The following THSD4 variants were observed in gnomAD, a reference collection of about 807,000 sequenced individuals.
THSD4 encodes thrombospondin type-1 domain-containing protein 4.
In THSD4, 69 loss-of-function variants were observed where a neutral mutation model predicts 119.0. The observed-to-expected ratio is 0.58, with a 90% confidence interval of 0.48 to 0.71. The LOEUF is 0.71. Ranked by LOEUF, THSD4 falls within the 30% of genes least tolerant of loss-of-function variation. The pLI, the probability that THSD4 is intolerant of heterozygous loss-of-function variation, is 0.00. For missense variants in THSD4, 1,393 were observed against 1,391.1 expected (o/e 1.00, Z -0.02); for synonymous variants, 524 against 540.4 (o/e 0.97, Z 0.42).
At chr15:71,411,653 C>T in intron 6 of THSD4, 34 bp from the exon 7 acceptor site, 1 of 1,581,638 alleles carries the variant, frequency 6.3e-7, no homozygotes, top group Non-Finnish European at 8.6e-7. Context: ...TATACCTTAT[C>T]TTTATTTTAT....
chr15:71,258,442 G>C (rs995344402), intron 6 of THSD4, among the ~76,000 whole-genome samples: 3 of 152,074 alleles, frequency 2.0e-5, no homozygotes, highest in African/African-American at 7.2e-5. Flanking sequence ...GCCTCCCAAA[G>C]TACTGGGATT....
intron 8 of THSD4, among the ~76,000 whole-genome samples, chr15:71,722,725 G>A (rs569767910): frequency 2.0e-5 from 3 of 152,304 alleles, no homozygotes; most frequent in South Asian, 2.1e-4. Flanking sequence ...GTAAAGGGCA[G>A]TAAAGAGATA....
intron 7 of THSD4, among the ~76,000 whole-genome samples, chr15:71,442,660 GTATATATATA>G (rs71154772): frequency 0.013 from 338 of 25,828 alleles, 55 homozygotes; most frequent in Non-Finnish European, 0.023. Flanking sequence ...GTGTGTGTGT[GTATATATATA>G]TATATATATA....
chr15:71,467,267 C>T (rs1440684780), intron 7 of THSD4, among the ~76,000 whole-genome samples: 1 of 152,280 alleles, frequency 6.6e-6, no homozygotes, highest in African/African-American at 2.4e-5. Context: ...CATCCATCCT[C>T]GGTTCACGGC....
chr15:71,526,356 C>G (rs1043402395), intron 7 of THSD4, among the ~76,000 whole-genome samples: 21 of 152,218 alleles, frequency 1.4e-4, no homozygotes, highest in Non-Finnish European at 2.2e-4. Flanking sequence ...TCACACATCA[C>G]TGGCACAGGC....
chr15:71,463,739 A>G (rs1013846964), intron 7 of THSD4, among the ~76,000 whole-genome samples: 5 of 152,060 alleles, frequency 3.3e-5, no homozygotes, highest in African/African-American at 1.2e-4. Context: ...ATTTCTTACA[A>G]GTGTTATTAT....
chr15:71,715,966 A>G (rs940052348), intron 8 of THSD4, among the ~76,000 whole-genome samples: 25 of 152,210 alleles, frequency 1.6e-4, no homozygotes, highest in African/African-American at 5.8e-4. Flanking sequence ...TGCCATAACA[A>G]GATACCACAA....
At chr15:71,503,796 A>G (rs2048149592) in intron 7 of THSD4, among the ~76,000 whole-genome samples, 1 of 152,202 alleles carries the variant, frequency 6.6e-6, no homozygotes, top group Non-Finnish European at 1.5e-5. Flanking sequence ...TCTAGGGCCA[A>G]TATGCATTGA....
At chr15:71,592,535 A>G (rs2049826672) in intron 7 of THSD4, among the ~76,000 whole-genome samples, 1 of 152,106 alleles carries the variant, frequency 6.6e-6, no homozygotes, top group East Asian at 2.0e-4. Context: ...TCTGGTCTCC[A>G]GAAAAACAAC....
At chr15:71,592,709 A>G (rs1244298963) in intron 7 of THSD4, among the ~76,000 whole-genome samples, 1 of 152,032 alleles carries the variant, frequency 6.6e-6, no homozygotes, top group African/African-American at 2.4e-5. Flanking sequence ...CAGCTTTCAA[A>G]TGTTTGGAAC....
chr15:71,384,109 G>C (rs1207114128), intron 6 of THSD4, among the ~76,000 whole-genome samples: 1 of 152,204 alleles, frequency 6.6e-6, no homozygotes, highest in Non-Finnish European at 1.5e-5. Context: ...GCCGGGCGCG[G>C]TGGCTCACGC....
chr15:71,545,341 A>G (rs989143876), intron 7 of THSD4, among the ~76,000 whole-genome samples: 19 of 152,178 alleles, frequency 1.2e-4, no homozygotes, highest in African/African-American at 4.6e-4. Flanking sequence ...GTGATTGAGA[A>G]GTGTCTAGAC....
intron 7 of THSD4, among the ~76,000 whole-genome samples, chr15:71,561,006 G>T (rs539032469): frequency 7.5e-6 from 1 of 133,816 alleles, no homozygotes; most frequent in African/African-American, 2.9e-5. Flanking sequence ...ATGGAGTCTC[G>T]CTGTGTCGCC....
At chr15:71,340,473 G>A (rs1006034802) in intron 6 of THSD4, among the ~76,000 whole-genome samples, 5 of 152,170 alleles carry the variant, frequency 3.3e-5, no homozygotes, top group African/African-American at 1.2e-4. Flanking sequence ...GGAAGAGCCA[G>A]GCCGTGTGAC....
intron 7 of THSD4, among the ~76,000 whole-genome samples, chr15:71,645,835 A>G (rs2140971636): frequency 6.6e-6 from 1 of 152,344 alleles, no homozygotes; most frequent in African/African-American, 2.4e-5. Context: ...CCATGTTTAT[A>G]AAGGGGAAAT....
At chr15:71,573,138 T>TG (rs2140902730) in intron 7 of THSD4, among the ~76,000 whole-genome samples, 1 of 152,222 alleles carries the variant, frequency 6.6e-6, no homozygotes, top group African/African-American at 2.4e-5. Flanking sequence ...TTAGGGTTTC[T>TG]GGGGAGAGTT....
intron 3 of THSD4, among the ~76,000 whole-genome samples, chr15:71,205,468 T>A (rs1297681376): frequency 2.0e-5 from 3 of 152,106 alleles, no homozygotes; most frequent in Non-Finnish European, 4.4e-5. Flanking sequence ...GTTCATATTT[T>A]CTCTAAAGCG....
intron 7 of THSD4, among the ~76,000 whole-genome samples, chr15:71,431,737 G>A (rs937961851): frequency 2.0e-5 from 3 of 152,216 alleles, no homozygotes; most frequent in African/African-American, 7.2e-5. Context: ...CAGACCCAAG[G>A]CTTGTATACC....
At chr15:71,137,653 A>G (rs1464300425) in intron 1 of THSD4, among the ~76,000 whole-genome samples, 1 of 152,160 alleles carries the variant, frequency 6.6e-6, no homozygotes, top group African/African-American at 2.4e-5. Flanking sequence ...CACAATACTA[A>G]TCACGGAAGC....
Sources: allele counts gnomAD v4.1 joint callset (sites outside exome capture counted in the v4.1 genomes callset), GRCh38; gene constraint gnomAD v4.1.1; transcripts MANE v1.5; gene names NCBI Gene and HGNC (gene_info 2026-07-23, HGNC 2026-07-21).